Variants in WNT2 observed in about 807,000 individuals in gnomAD.
WNT2 encodes the protein protein Wnt-2.
In WNT2, 12 loss-of-function variants were observed where a neutral mutation model predicts 36.9. That is an observed-to-expected ratio of 0.33 (90% CI 0.21 to 0.53). The LOEUF (loss-of-function observed/expected upper bound fraction) is 0.53. Among genes scored for constraint, WNT2 ranks in the 20% least tolerant of loss-of-function variants. WNT2 has a pLI of 0.95. For missense variants in WNT2, 379 were observed against 473.1 expected (o/e 0.80, Z 1.84); for synonymous variants, 163 against 174.6 (o/e 0.93, Z 0.52).
chr7:117,302,148 T>C (rs561636771), intron 3 of WNT2, among the ~76,000 whole-genome samples: 61 of 152,174 alleles, frequency 4.0e-4, no homozygotes, highest in Non-Finnish European at 6.8e-4. Flanking sequence ...ACATACCTGT[T>C]ATAATGGGGC....
chr7:117,315,665 AC>A (rs1562831310), intron 2 of WNT2, among the ~76,000 whole-genome samples: 1 of 152,192 alleles, frequency 6.6e-6, no homozygotes, highest in Non-Finnish European at 1.5e-5. Context: ...CCCTGTTTCA[AC>A]AGAGAGCTCT....
chr7:117,289,599 T>C (rs1034685169), intron 4 of WNT2, among the ~76,000 whole-genome samples: 2 of 152,210 alleles, frequency 1.3e-5, no homozygotes, highest in South Asian at 2.1e-4. Context: ...CACAGAAGAA[T>C]GCAGCTAATC....
intron 3 of WNT2, among the ~76,000 whole-genome samples, chr7:117,307,620 C>T (rs577797378): frequency 3.3e-5 from 5 of 152,304 alleles, no homozygotes; most frequent in African/African-American, 4.8e-5. Flanking sequence ...ACAAACTTCT[C>T]CTAAGGAAGT....
At chr7:117,308,436 C>T (rs1276181369) in intron 3 of WNT2, among the ~76,000 whole-genome samples, 1 of 152,174 alleles carries the variant, frequency 6.6e-6, no homozygotes, top group Non-Finnish European at 1.5e-5. Context: ...TAGAACTTTA[C>T]ATGGAACTGC....
intron 2 of WNT2, among the ~76,000 whole-genome samples, chr7:117,316,270 T>A (rs530498715): frequency 3.9e-5 from 6 of 152,350 alleles, no homozygotes; most frequent in African/African-American, 1.4e-4. Flanking sequence ...TTAAATTATT[T>A]TAATAATCTG....
intron 4 of WNT2, among the ~76,000 whole-genome samples, chr7:117,289,411 T>C (rs2116338393): frequency 6.6e-6 from 1 of 152,188 alleles, no homozygotes; most frequent in East Asian, 1.9e-4. Context: ...CATCTGAAAC[T>C]CCATAAATGC....
At chr7:117,307,219 T>C (rs962554062) in intron 3 of WNT2, among the ~76,000 whole-genome samples, 1 of 152,238 alleles carries the variant, frequency 6.6e-6, no homozygotes, top group Non-Finnish European at 1.5e-5. Flanking sequence ...TTTGTGTCAG[T>C]ATAATACTGA....
At chr7:117,310,227 C>T (rs1300370202) in intron 3 of WNT2, among the ~76,000 whole-genome samples, 1 of 152,168 alleles carries the variant, frequency 6.6e-6, no homozygotes, top group Admixed American at 6.5e-5. Flanking sequence ...TCAATGCCTT[C>T]CTCTTGCCTT....
chr7:117,291,427 G>A (rs560713657), intron 4 of WNT2, among the ~76,000 whole-genome samples: 1 of 152,292 alleles, frequency 6.6e-6, no homozygotes, highest in African/African-American at 2.4e-5. Context: ...CTCTGGAGGG[G>A]AGAGCAGCAG....
intron 4 of WNT2, among the ~76,000 whole-genome samples, chr7:117,292,294 C>A (rs989196794): frequency 7.7e-6 from 1 of 130,160 alleles, no homozygotes; most frequent in African/African-American, 3.7e-5. Context: ...CAACCACACT[C>A]ACACACACAC....
intron 3 of WNT2, among the ~76,000 whole-genome samples, chr7:117,312,823 T>C (rs1562830519): frequency 6.6e-6 from 1 of 152,220 alleles, no homozygotes; most frequent in East Asian, 1.9e-4. Context: ...AATAAATTGT[T>C]CAAATATTGG....
At chr7:117,301,155 A>C (rs1794898415) in intron 3 of WNT2, 1 of 152,204 alleles carries the variant, frequency 6.6e-6, no homozygotes, top group Non-Finnish European at 1.5e-5. Context: ...CTGACAATTA[A>C]CCTGGGAGGA....
chr7:117,297,118 A>T (rs1224936520), intron 4 of WNT2, among the ~76,000 whole-genome samples: 1 of 152,174 alleles, frequency 6.6e-6, no homozygotes, highest in African/African-American at 2.4e-5. Flanking sequence ...GAATTTTGCT[A>T]ATCTGCGTAT....
chr7:117,290,801 T>C (rs1794676347), intron 4 of WNT2, among the ~76,000 whole-genome samples: 2 of 152,118 alleles, frequency 1.3e-5, no homozygotes, highest in Non-Finnish European at 2.9e-5. Context: ...AAGGACTGAG[T>C]CTGTTTTCCT....
rs1795245207 is a variant in WNT2 at position 117,317,545 on chromosome 7, T to C, written c.311-2197A>G. Reference sequence around the variant, plus strand: ...AAATGTTTTCAGTTACGTGTTTAGATGAATCACTAAAATGTTATGTGTGAA... The same window carrying C: ...AAATGTTTTCAGTTACGTGTTTAGACGAATCACTAAAATGTTATGTGTGAA... On this transcript the variant is annotated intron_variant, in intron 2 of 4. Coordinates refer to ENST00000265441, the MANE Select transcript of WNT2 (RefSeq NM_003391.3). Among the ~76,000 whole-genome samples the C allele has an allele frequency of 2.6e-5, 4 of 152,334 alleles. No individual in the cohort carries two copies. In the South Asian group the frequency reaches 8.3e-4, roughly 32 times the overall value.
At chr7:117,280,949 G>A (rs528578852) in intron 4 of WNT2, among the ~76,000 whole-genome samples, 9 of 152,332 alleles carry the variant, frequency 5.9e-5, no homozygotes, top group Admixed American at 2.6e-4. Flanking sequence ...TATGTTCTAA[G>A]GGCATGAGCC....
rs1319894846 is a variant in WNT2 at position 117,284,340 on chromosome 7, T to C, written c.854-5956A>G. 6.6e-6 allele frequency among the ~76,000 whole-genome samples: 1 copy of C among 152,174 alleles called. No individual in the cohort carries two copies. The highest frequency in any genetic ancestry group is 1.5e-5 in the Non-Finnish European group (1 of 68,016). ...TCACCATTATGTTTCCAATAAAATA[T>C]AAGAACCAAGAGTATGTGTGTATGT... On this transcript the variant is annotated intron_variant, in intron 4 of 4. Transcript: ENST00000265441. The surrounding 1 kb of genome is among the most constrained non-coding windows in gnomAD (Gnocchi z 5.2).
At chr7:117,286,485 C>T (rs1212103118) in intron 4 of WNT2, among the ~76,000 whole-genome samples, 1 of 151,940 alleles carries the variant, frequency 6.6e-6, no homozygotes, top group African/African-American at 2.4e-5. Flanking sequence ...ACCTCCTTCT[C>T]CCCCCATCCC....
chr7:117,291,094 C>T (rs1324808096), intron 4 of WNT2, among the ~76,000 whole-genome samples: 1 of 152,178 alleles, frequency 6.6e-6, no homozygotes, highest in Non-Finnish European at 1.5e-5. Flanking sequence ...GAACACCAGT[C>T]TCTGAAAACC....
Sources: gnomAD v4.1 joint callset for allele counts (sites outside exome capture counted in the v4.1 genomes callset) on GRCh38, gnomAD v4.1.1 for gene constraint, Gnocchi (gnomAD v3.1) non-coding constraint, MANE v1.5 for transcripts, NCBI Gene and HGNC (gene_info 2026-07-23, HGNC 2026-07-21) for gene names.